Variants in ACYP2 observed in about 807,000 individuals in gnomAD.
ACYP2 encodes the protein acylphosphatase 2, also known as acylphosphatase-2.
In ACYP2, 12 loss-of-function variants were observed where a neutral mutation model predicts 11.2. The observed-to-expected ratio is 1.08, with a 90% CI of 0.69 to 1.74. ACYP2 has a LOEUF of 1.74. Among genes scored for constraint, ACYP2 ranks in the 40% most tolerant of loss-of-function variants. The probability of loss-of-function intolerance (pLI) is 0.00; values close to 1 mark genes in which losing one functional copy is unlikely to be tolerated. For missense variants in ACYP2, 134 were observed against 101.9 expected (o/e 1.31, Z -1.35); for synonymous variants, 43 against 32.2 (o/e 1.33, Z -1.13).
intron 6 of ACYP2, among the ~76,000 whole-genome samples, chr2:54,152,591 C>G (rs529502439): frequency 6.6e-6 from 1 of 152,144 alleles, no homozygotes; most frequent in Non-Finnish European, 1.5e-5. Context: ...CCACTGATGT[C>G]TTTACTGTCT....
intron 2 of ACYP2, among the ~76,000 whole-genome samples, chr2:54,006,223 C>T (rs1673055865): frequency 6.6e-6 from 1 of 152,010 alleles, no homozygotes; most frequent in South Asian, 2.1e-4. Context: ...TCTCGGCTCA[C>T]TGCAACCTCT....
intron 4 of ACYP2, among the ~76,000 whole-genome samples, chr2:54,085,334 C>A (rs953623983): frequency 6.6e-6 from 1 of 152,156 alleles, no homozygotes; most frequent in African/African-American, 2.4e-5. Context: ...CACGGGACTG[C>A]GGACTGTCCG....
chr2:54,189,315 T>G (rs1244064998), intron 6 of ACYP2, among the ~76,000 whole-genome samples: 1 of 152,190 alleles, frequency 6.6e-6, no homozygotes. Flanking sequence ...GATCTACATT[T>G]CCCTGTTTCC....
At chr2:54,257,744 G>A (rs1455110012) in intron 6 of ACYP2, among the ~76,000 whole-genome samples, 1 of 152,156 alleles carries the variant, frequency 6.6e-6, no homozygotes, top group African/African-American at 2.4e-5. Flanking sequence ...AAGACAGGAT[G>A]TTAGACAGCT....
At chr2:54,190,246 C>T (rs1369476824) in intron 6 of ACYP2, among the ~76,000 whole-genome samples, 1 of 152,028 alleles carries the variant, frequency 6.6e-6, no homozygotes, top group African/African-American at 2.4e-5. Context: ...GCTTTTGTAG[C>T]CTGAGCTTTT....
intron 4 of ACYP2, among the ~76,000 whole-genome samples, chr2:54,090,710 C>T (rs934284649): frequency 4.6e-5 from 7 of 152,202 alleles, no homozygotes; most frequent in Non-Finnish European, 8.8e-5. Context: ...GATTCTCTTA[C>T]GCCTGGACCG....
chr2:53,989,776 T>C (rs116257178), intron 2 of ACYP2, among the ~76,000 whole-genome samples: 199 of 152,286 alleles, frequency 1.3e-3, no homozygotes, highest in African/African-American at 4.7e-3. Flanking sequence ...AGTTTGGCAT[T>C]GAGGCTGTGT....
chr2:54,189,612 C>T (rs566324132), intron 6 of ACYP2, among the ~76,000 whole-genome samples: 20 of 151,962 alleles, frequency 1.3e-4, no homozygotes, highest in South Asian at 2.1e-4. Flanking sequence ...CTTCTGTCAA[C>T]GGACATTCAG....
intron 2 of ACYP2, among the ~76,000 whole-genome samples, chr2:53,978,205 T>C (rs993946051): frequency 1.9e-4 from 28 of 149,128 alleles, no homozygotes; most frequent in African/African-American, 6.7e-4. Flanking sequence ...GAGATTGCAG[T>C]GAGCTGAGAT....
At chr2:54,004,239 G>A (rs373267947) in intron 2 of ACYP2, among the ~76,000 whole-genome samples, 4 of 151,704 alleles carry the variant, frequency 2.6e-5, no homozygotes, top group Admixed American at 6.6e-5. Context: ...CGCCCACCTC[G>A]GCCTCCCAAA....
chr2:54,282,122 A>AT (rs1280268025), intron 6 of ACYP2, among the ~76,000 whole-genome samples: 1 of 152,118 alleles, frequency 6.6e-6, no homozygotes. Flanking sequence ...TAATTTAAGT[A>AT]TTTTTTTGCC....
At chr2:54,252,849 A>G (rs1687290628) in intron 6 of ACYP2, among the ~76,000 whole-genome samples, 3 of 151,410 alleles carry the variant, frequency 2.0e-5, no homozygotes, top group African/African-American at 7.3e-5. Context: ...GCTTGCAGTG[A>G]GCTGAGATCG....
At chr2:54,184,526 AAAATCCT>A (rs1458704751) in intron 6 of ACYP2, among the ~76,000 whole-genome samples, 1 of 152,224 alleles carries the variant, frequency 6.6e-6, no homozygotes, top group Non-Finnish European at 1.5e-5. Context: ...GAGAAAGAAA[AAAATCCT>A]AAATCATACA....
At chr2:54,190,643 C>T (rs942121074) in intron 6 of ACYP2, among the ~76,000 whole-genome samples, 1 of 152,120 alleles carries the variant, frequency 6.6e-6, no homozygotes, top group African/African-American at 2.4e-5. Context: ...GGTTCCTCCT[C>T]ATCTCCTGTT....
chr2:54,286,614 C>T (rs1198721939), intron 6 of ACYP2, among the ~76,000 whole-genome samples: 1 of 152,096 alleles, frequency 6.6e-6, no homozygotes, highest in Non-Finnish European at 1.5e-5. Flanking sequence ...CGTTTTTACA[C>T]TACTTTGCTC....
intron 6 of ACYP2, among the ~76,000 whole-genome samples, chr2:54,209,772 C>T (rs1685251433): frequency 6.6e-6 from 1 of 152,100 alleles, no homozygotes; most frequent in African/African-American, 2.4e-5. Flanking sequence ...TCTATTCCTG[C>T]CATGTTGAGC....
intron 6 of ACYP2, among the ~76,000 whole-genome samples, chr2:54,172,934 T>C (rs1683277832): frequency 6.6e-6 from 1 of 152,230 alleles, no homozygotes; most frequent in African/African-American, 2.4e-5. Flanking sequence ...ATTTTCTTAA[T>C]CCACTCTATC....
At position 54,089,423 on chromosome 2, in the gene ACYP2, A is replaced by G. The variant is rs187854347; in HGVS notation, c.277+32063A>G. Among the ~76,000 whole-genome samples the G allele has an allele frequency of 4.8e-4, 73 of 152,084 alleles. No homozygotes were observed. In the East Asian group the frequency reaches 0.013, roughly 27 times the overall value. On this transcript the variant is annotated intron_variant, in intron 4 of 6. Coordinates refer to ENST00000607452, the MANE Select transcript of ACYP2 (RefSeq NM_001320586.2). ...ATATATATATATATATCTCCTGGCT[A>G]TTAAGTTTATTACTATTTTTCAACA... is the stretch of plus-strand genomic sequence containing the variant.
chr2:54,027,936 G>A (rs753217065), intron 2 of ACYP2, among the ~76,000 whole-genome samples: 6 of 147,286 alleles, frequency 4.1e-5, no homozygotes, highest in Non-Finnish European at 8.9e-5. Context: ...TCCACCTCCC[G>A]GGTTCAAGTG....
Sources: allele counts gnomAD v4.1 joint callset (sites outside exome capture counted in the v4.1 genomes callset), GRCh38; gene constraint gnomAD v4.1.1; transcripts MANE v1.5; gene names NCBI Gene and HGNC (gene_info 2026-07-23, HGNC 2026-07-21).